The following CATSPERD variants were observed in gnomAD, a reference collection of about 807,000 sequenced individuals.
The protein encoded by CATSPERD is catsper channel auxiliary subunit delta, also known as cation channel sperm-associated auxiliary subunit delta.
Under a neutral mutation model 98.1 loss-of-function variants are expected in CATSPERD, and 86 were observed. That is an observed-to-expected ratio of 0.88 (90% CI 0.74 to 1.05). The LOEUF (loss-of-function observed/expected upper bound fraction) is 1.05, where lower values mean the gene tolerates loss of function less well. CATSPERD is among the 50% of genes least tolerant of loss of function. The probability of loss-of-function intolerance (pLI) is 0.00; values close to 1 mark genes in which losing one functional copy is unlikely to be tolerated. For synonymous variants in CATSPERD, 394 were observed against 390.2 expected (o/e 1.01, Z -0.12); for missense variants, 995 against 1,005.7 (o/e 0.99, Z 0.14).
At chr19:5,757,790 C>G (rs1277322211) in intron 13 of CATSPERD, 53 bp from the exon 14 acceptor site, 1 of 1,439,954 alleles carries the variant, frequency 6.9e-7, no homozygotes, top group Non-Finnish European at 9.7e-7. Context: ...GGTTTGTCAC[C>G]CCGTCCTGCC....
chr19:5,740,971 G>C (rs914460716), intron 7 of CATSPERD, among the ~76,000 whole-genome samples: 5 of 142,010 alleles, frequency 3.5e-5, no homozygotes, highest in African/African-American at 1.3e-4. Flanking sequence ...TGTAGTCTCA[G>C]CTACTTGGGA....
intron 7 of CATSPERD, among the ~76,000 whole-genome samples, chr19:5,741,821 G>GGAGTTCA (rs1448678011): frequency 7.6e-6 from 1 of 131,022 alleles, no homozygotes; most frequent in Non-Finnish European, 1.6e-5. Context: ...CTTGAGGTCA[G>GGAGTTCA]GAGTTCAAGA....
At chr19:5,772,517 G>A (rs556596942) in intron 19 of CATSPERD, 20 of 392,988 alleles carry the variant, frequency 5.1e-5, no homozygotes, top group African/African-American at 4.0e-4. Flanking sequence ...GTGAGCCGCC[G>A]CGCCTAGCTC....
chr19:5,732,405 T>G (rs1293513887), intron 4 of CATSPERD, among the ~76,000 whole-genome samples: 1 of 152,090 alleles, frequency 6.6e-6, no homozygotes, highest in East Asian at 1.9e-4. Context: ...AACCAACTAT[T>G]GCTGGCATAC....
At chr19:5,730,530 G>C (rs1018191969) in intron 4 of CATSPERD, among the ~76,000 whole-genome samples, 1 of 150,318 alleles carries the variant, frequency 6.7e-6, no homozygotes, top group East Asian at 2.0e-4. Flanking sequence ...GCAACAGAGG[G>C]AGACTCTGTC....
At position 5,720,759 on chromosome 19, in the gene CATSPERD, G is replaced by A; in HGVS notation, c.22G>A (p.Ala8Thr). The change falls in exon 1 of 22, where the codon GCG becomes ACG. Residue 8 changes from alanine (A) to threonine (T), a missense_variant. By Grantham distance (58) the Ala-to-Thr change is moderately conservative. Coordinates refer to ENST00000381624, the MANE Select transcript of CATSPERD (RefSeq NM_152784.4). MLMLMLVAAVTMWLRPLV... is the reference protein window; with the variant it reads MLMLMLVTAVTMWLRPLV... ...GTCGATGCTGATGTTGATGCTGGTG[G>A]CGGCTGTGACCATGTGGCTCCGACC... 3 of 1,605,632 alleles carry A rather than the reference G, an allele frequency of 1.9e-6. No individual in the cohort carries two copies. The highest frequency in any genetic ancestry group is 2.5e-6 in the Non-Finnish European group (3 of 1,179,746).
At position 5,762,041 on chromosome 19, in the gene CATSPERD, C is replaced by CATATATATATATATAT. The variant is rs71172765; in HGVS notation, c.1428-1171_1428-1156dup. On this transcript the variant is annotated intron_variant, in intron 15 of 21. Transcript: ENST00000381624. Reference sequence around the variant, plus strand: ...GTGAGAGCCACTGCGCCTGGCCTGCCATATATATATATATATATTTTTTTT... The same window carrying CATATATATATATATAT: ...GTGAGAGCCACTGCGCCTGGCCTGCCATATATATATATATATATATATATATATATATATTTTTTTT... Among the ~76,000 whole-genome samples, 145 of 23,214 alleles carry CATATATATATATATAT rather than the reference C, an allele frequency of 6.2e-3. 20 individuals are homozygous for CATATATATATATATAT. Among genetic ancestry groups the CATATATATATATATAT allele is most frequent in the Admixed American group, 9.5e-3 (16 of 1,686 alleles). The allele number at this position is 23,214 out of a possible 152,430, so 15.2% of individuals were successfully genotyped here.
At chr19:5,748,137 G>A (rs774443265) in intron 9 of CATSPERD, 23 bp from the exon 10 acceptor site, 1 of 1,598,872 alleles carries the variant, frequency 6.3e-7, no homozygotes, top group Admixed American at 1.7e-5. Context: ...GGGGCCTCAT[G>A]CACCTGTCCT....
At chr19:5,746,226 ATC>A (rs1194246348) in intron 9 of CATSPERD, among the ~76,000 whole-genome samples, 163 bp downstream of exon 9, 2 of 152,086 alleles carry the variant, frequency 1.3e-5, no homozygotes, top group African/African-American at 4.8e-5. Context: ...CATTTAGTGG[ATC>A]TCTCTGCATC....
intron 18 of CATSPERD, 105 bp downstream of exon 18, chr19:5,768,347 A>ATTTAT: frequency 3.0e-5 from 19 of 640,196 alleles, no homozygotes; most frequent in Non-Finnish European, 3.3e-5. Context: ...TTTATTTATT[A>ATTTAT]TTATTATTGA....
At chr19:5,755,056 C>T (rs977725389) in intron 13 of CATSPERD, among the ~76,000 whole-genome samples, 1 of 151,868 alleles carries the variant, frequency 6.6e-6, no homozygotes, top group African/African-American at 2.4e-5. Context: ...GTTGGTCAGA[C>T]TGGTCTTGAA....
intron 7 of CATSPERD, among the ~76,000 whole-genome samples, chr19:5,743,688 CTCTCTCTCTCTCTCTCTCTG>C (rs1253306345): frequency 8.4e-5 from 5 of 59,312 alleles, no homozygotes; most frequent in African/African-American, 2.4e-4. Flanking sequence ...CTCTTCCTCT[CTCTCTCTCTCTCTCTCTCTG>C]TCTCTGTCTC....
chr19:5,747,610 CTTTT>C (rs10603074), intron 9 of CATSPERD, among the ~76,000 whole-genome samples: 3 of 87,622 alleles, frequency 3.4e-5, no homozygotes, highest in African/African-American at 4.1e-5. Flanking sequence ...TTTTTCTTTT[CTTTT>C]TTTTTTTTTT....
rs538129817 is a variant in CATSPERD, at chr19:5,737,280, G to T, written c.459+75G>T. The stretch of plus-strand genomic sequence containing the variant: ...CAAATAATCATGAGTAGACATAAAG[G>T]CTGGGCGTGGTGGCTCATACCTGTA... On this transcript the variant is annotated intron_variant, in intron 6 of 21. Coordinates refer to ENST00000381624, the MANE Select transcript of CATSPERD (RefSeq NM_152784.4). 28 of 1,038,042 alleles carry T rather than the reference G, an allele frequency of 2.7e-5. No individual in the cohort carries two copies. In the South Asian group the frequency reaches 3.4e-4, roughly 13 times the overall value. 64.3% of individuals were successfully genotyped at this position (1,038,042 alleles called of 1,614,324 possible).
chr19:5,769,389 C>A (rs921205160), intron 18 of CATSPERD, among the ~76,000 whole-genome samples: 1 of 151,864 alleles, frequency 6.6e-6, no homozygotes, highest in African/African-American at 2.4e-5. Context: ...GAATGAAAAC[C>A]CACTCAGTAC....
chr19:5,756,988 G>A (rs909361190), intron 13 of CATSPERD, among the ~76,000 whole-genome samples: 1 of 150,388 alleles, frequency 6.6e-6, no homozygotes, highest in Non-Finnish European at 1.5e-5. Context: ...GGTGGCTCAC[G>A]CCTGTAATCC....
rs150437579 is a variant in CATSPERD at position 5,750,252 on chromosome 19, T to C, written c.987+1069T>C. 6.1e-5 allele frequency among the ~76,000 whole-genome samples: 9 copies of C among 147,998 alleles called. No homozygotes were observed. The East Asian group carries it at 6.1e-4, about 10-fold the overall frequency. ...TCACGAGTTCAGGAGATCGTGACCATCCTGGCTAACACGGTGAAACCCCGT... is the reference window on the plus strand; with the variant it reads ...TCACGAGTTCAGGAGATCGTGACCACCCTGGCTAACACGGTGAAACCCCGT... On this transcript the variant is annotated intron_variant, in intron 11 of 21. Coordinates refer to ENST00000381624, the MANE Select transcript of CATSPERD (RefSeq NM_152784.4).
chr19:5,720,887 G>C (rs2055447109), intron 1 of CATSPERD, 79 bp downstream of exon 1: 4 of 1,213,428 alleles, frequency 3.3e-6, no homozygotes, highest in Non-Finnish European at 4.6e-6. Flanking sequence ...GCCGAGGCCT[G>C]CTCCCCAACC....
chr19:5,748,560 G>A (rs1008233687), intron 10 of CATSPERD, among the ~76,000 whole-genome samples: 1 of 149,590 alleles, frequency 6.7e-6, no homozygotes, highest in African/African-American at 2.5e-5. Context: ...GAACCCGGGA[G>A]GTGGAGTGAG....
Sources: allele counts gnomAD v4.1 joint callset (sites outside exome capture counted in the v4.1 genomes callset), GRCh38; gene constraint gnomAD v4.1.1; transcripts MANE v1.5; gene names NCBI Gene and HGNC (gene_info 2026-07-23, HGNC 2026-07-21).